VPS13C: variants seen among roughly 807,000 people sequenced by gnomAD.
The protein encoded by VPS13C is vacuolar protein sorting 13 homolog C.
VPS13C carries 358 observed loss-of-function variants against 456.8 expected under a neutral mutation model. That is an observed-to-expected ratio of 0.78 (90% CI 0.72 to 0.86). VPS13C has a LOEUF of 0.86. VPS13C is among the 40% of genes least tolerant of loss of function. The probability of loss-of-function intolerance (pLI) is 0.00; values close to 1 mark genes in which losing one functional copy is unlikely to be tolerated. For missense variants in VPS13C, 4,818 were observed against 4,385.4 expected, an observed-to-expected ratio of 1.10 and a Z score of -2.79; for synonymous variants, 1,578 against 1,486.7, an observed-to-expected ratio of 1.06 and a Z score of -1.41.
At chr15:62,006,133 T>C (rs1297453352) in intron 15 of VPS13C, among the ~76,000 whole-genome samples, 1 of 151,988 alleles carries the variant, frequency 6.6e-6, no homozygotes, top group African/African-American at 2.4e-5. Context: ...CTTTAAGTTC[T>C]AGGGTACATG....
intron 9 of VPS13C, among the ~76,000 whole-genome samples, chr15:62,014,405 T>C (rs2047154999): frequency 6.6e-6 from 1 of 152,120 alleles, no homozygotes; most frequent in Admixed American, 6.6e-5. Flanking sequence ...GGACAGCATG[T>C]TCAGCAACAC....
intron 83 of VPS13C, among the ~76,000 whole-genome samples, chr15:61,855,406 T>C (rs140165469): frequency 3.9e-5 from 6 of 152,312 alleles, no homozygotes; most frequent in African/African-American, 1.4e-4. Flanking sequence ...TCTTTCCTAG[T>C]TTGAAAACTA....
intron 11 of VPS13C, 67 bp from the exon 12 acceptor site, chr15:62,012,231 C>T (rs1195341450): frequency 3.7e-5 from 24 of 643,412 alleles, no homozygotes; most frequent in East Asian, 9.4e-5. Context: ...GACACACACA[C>T]ACACACACAC....
rs1327359798 is a variant in VPS13C, at chr15:62,010,580, G to A, written c.903C>T (p.Ala301=). 2 of 1,610,496 alleles carry A rather than the reference G, an allele frequency of 1.2e-6. No individual in the cohort carries two copies. Among genetic ancestry groups the A allele is most frequent in the South Asian group, 1.1e-5 (1 of 90,412 alleles). ...NYQYIFQPIS[A]SAKLYMNPYA... ...AAGGATTCATGTAGAGTTTTGCAGA[G>A]GCTGATATTGGCTGGAAAACTTACA... The change falls in exon 13 of 85, where the codon GCC becomes GCT. Residue 301 remains alanine (A), a synonymous_variant. Coordinates refer to ENST00000644861, the MANE Select transcript of VPS13C (RefSeq NM_020821.3).
chr15:62,060,347 A>G lies in VPS13C; in HGVS notation c.28T>C (p.Leu10=), dbSNP rs1567161670. The change falls in exon 1 of 85, where the codon TTG becomes CTG. Residue 10 remains leucine (L), a synonymous_variant. Coordinates refer to ENST00000644861, the MANE Select transcript of VPS13C (RefSeq NM_020821.3). The part of the protein sequence containing the change: MVLESVVAD[L]LNRFLGDYVE... ...TAGTCCCCCAGGAAGCGGTTCAGCAAGTCCGCGACCACCGACTCCAGCACC... is the reference window on the plus strand; with the variant it reads ...TAGTCCCCCAGGAAGCGGTTCAGCAGGTCCGCGACCACCGACTCCAGCACC... 6.2e-7 allele frequency: 1 copy of G among 1,604,286 alleles called. No individual in the cohort carries two copies. The highest frequency in any genetic ancestry group is 8.5e-7 in the Non-Finnish European group (1 of 1,175,888).
chr15:61,996,849 G>C (rs2046398778), intron 16 of VPS13C, among the ~76,000 whole-genome samples: 1 of 147,290 alleles, frequency 6.8e-6, no homozygotes, highest in Admixed American at 6.8e-5. Context: ...ATGATGAACA[G>C]AGCACCAAAA....
chr15:61,869,742 C>A, intron 79 of VPS13C, 119 bp from the exon 80 acceptor site: 1 of 1,504,048 alleles, frequency 6.6e-7, no homozygotes, highest in Non-Finnish European at 8.9e-7. Context: ...AAAAATTTGG[C>A]TTTCTAAAGA....
intron 16 of VPS13C, among the ~76,000 whole-genome samples, chr15:61,994,265 T>G (rs2046309692): frequency 6.6e-6 from 1 of 152,366 alleles, no homozygotes; most frequent in South Asian, 2.1e-4. Context: ...CTTTCTTCAC[T>G]TTTTAAGCAA....
chr15:61,953,236 AT>A (rs1473776726), intron 38 of VPS13C, among the ~76,000 whole-genome samples: 1 of 150,816 alleles, frequency 6.6e-6, no homozygotes, highest in Non-Finnish European at 1.5e-5. Context: ...AATTTATTTT[AT>A]TTTATTTTAT....
At chr15:61,861,130 T>C (rs570314329) in intron 82 of VPS13C, among the ~76,000 whole-genome samples, 16 of 151,972 alleles carry the variant, frequency 1.1e-4, no homozygotes, top group African/African-American at 3.9e-4. Context: ...TCCAGCTAAT[T>C]TTTTGCATTT....
chr15:62,035,691 T>C (rs561057505), intron 3 of VPS13C, among the ~76,000 whole-genome samples: 168 of 152,090 alleles, frequency 1.1e-3, no homozygotes, highest in African/African-American at 3.7e-3. Context: ...ATGAATAGTA[T>C]TATGAGTCAC....
chr15:61,924,849 CA>C (rs2043791684), intron 53 of VPS13C, among the ~76,000 whole-genome samples: 1 of 152,128 alleles, frequency 6.6e-6, no homozygotes, highest in African/African-American at 2.4e-5. Context: ...ATCCTTTGTG[CA>C]AACAGAGAAA....
chr15:61,888,641 T>C (rs2140064360), intron 67 of VPS13C, among the ~76,000 whole-genome samples: 1 of 152,228 alleles, frequency 6.6e-6, no homozygotes, highest in East Asian at 1.9e-4. Flanking sequence ...TATGAAATTC[T>C]GAAAAAAGAA....
At chr15:61,954,328 A>T in intron 38 of VPS13C, 93 bp downstream of exon 38, 1 of 1,389,472 alleles carries the variant, frequency 7.2e-7, no homozygotes. Flanking sequence ...GATTTTTTTC[A>T]TCAGTATCAA....
chr15:61,980,183 CAAAAAAAAAA>C (rs71125960), intron 22 of VPS13C, among the ~76,000 whole-genome samples: 1,605 of 45,240 alleles, frequency 0.035, 61 homozygotes, highest in African/African-American at 0.11. Flanking sequence ...GACCCCATCT[CAAAAAAAAAA>C]AAAAAAAAAA....
At chr15:61,954,622 T>TTA in intron 37 of VPS13C, 68 bp from the exon 38 acceptor site, 5 of 1,455,600 alleles carry the variant, frequency 3.4e-6, no homozygotes, top group Non-Finnish European at 4.6e-6. Context: ...TATTGTGGAC[T>TTA]TATATGAGTA....
At position 62,060,353 on chromosome 15, in the gene VPS13C, C is replaced by T. The variant is rs763824886; in HGVS notation, c.22G>A (p.Ala8Thr). The T allele has an allele frequency of 5.0e-6, 8 of 1,600,558 alleles. No homozygotes were observed. The highest frequency in any genetic ancestry group is 6.8e-6 in the Non-Finnish European group (8 of 1,173,330). MVLESVV[A>T]DLLNRFLGDY... ...CCCAGGAAGCGGTTCAGCAAGTCCG[C>T]GACCACCGACTCCAGCACCATGGTG... Residue 8 changes from alanine (A) to threonine (T), a missense_variant, in exon 1 of 85, where the codon GCG (alanine) becomes ACG (threonine). This residue lies in a region of VPS13C where 4,552 missense variants were observed against 4,130.6 expected (regional missense o/e 1.10). Coordinates refer to ENST00000644861, the MANE Select transcript of VPS13C (RefSeq NM_020821.3).
At position 61,959,614 on chromosome 15, in the gene VPS13C, T is replaced by C. The variant is rs528993496; in HGVS notation, c.3909-19A>G. ...CACTGTCCTACGAAAAACAGAAATG[T>C]TACATAATGCATAGATATAGGGTAG... On this transcript the variant is annotated intron_variant, in intron 35 of 84. Coordinates refer to ENST00000644861, the MANE Select transcript of VPS13C (RefSeq NM_020821.3). 1 of 1,606,956 alleles carries C rather than the reference T, an allele frequency of 6.2e-7. No individual in the cohort carries two copies. The highest frequency in any genetic ancestry group is 2.2e-5 in the East Asian group (1 of 44,726).
At chr15:62,039,499 A>T (rs1375254702) in intron 3 of VPS13C, among the ~76,000 whole-genome samples, 1 of 152,094 alleles carries the variant, frequency 6.6e-6, no homozygotes, top group African/African-American at 2.4e-5. Context: ...AAGGAACTCA[A>T]ACAACTCTAT....
Sources: allele counts gnomAD v4.1 joint callset (sites outside exome capture counted in the v4.1 genomes callset), GRCh38; gene constraint gnomAD v4.1.1; regional missense constraint gnomAD v4.1.1; transcripts MANE v1.5; gene names NCBI Gene and HGNC (gene_info 2026-07-23, HGNC 2026-07-21).